AREL1: variants seen among roughly 807,000 people sequenced by gnomAD.
The protein encoded by AREL1 is apoptosis-resistant E3 ubiquitin protein ligase 1.
Under a neutral mutation model 99.0 loss-of-function variants are expected in AREL1, and 62 were observed. The observed-to-expected ratio is 0.63, with a 90% confidence interval of 0.51 to 0.77. AREL1 has a LOEUF of 0.77. AREL1 is among the 30% of genes least tolerant of loss of function. The pLI is 0.00. For synonymous variants in AREL1, 380 were observed against 376.5 expected (o/e 1.01, Z -0.11); for missense variants, 879 against 1,027.6 (o/e 0.86, Z 1.98).
At chr14:74,679,847 T>A (rs1319073127) in intron 5 of AREL1, among the ~76,000 whole-genome samples, 1 of 84,470 alleles carries the variant, frequency 1.2e-5, no homozygotes, top group African/African-American at 5.4e-5. Flanking sequence ...AAAATAATAA[T>A]AAATAAATAA....
chr14:74,685,016 C>A (rs553845131), intron 3 of AREL1, among the ~76,000 whole-genome samples: 2 of 152,222 alleles, frequency 1.3e-5, no homozygotes, highest in East Asian at 3.9e-4. Context: ...GCCTTCGGAA[C>A]CAAAAATATT....
At chr14:74,689,238 T>C (rs1594771315) in intron 2 of AREL1, among the ~76,000 whole-genome samples, 3 of 152,222 alleles carry the variant, frequency 2.0e-5, no homozygotes, top group Admixed American at 6.5e-5. Flanking sequence ...TCCGACCCTG[T>C]TGGGGGCTCT....
chr14:74,691,942 C>G, intron 2 of AREL1, 99 bp downstream of exon 2: 1 of 254,136 alleles, frequency 3.9e-6, no homozygotes, highest in Non-Finnish European at 7.7e-6. Context: ...CAACTGTATA[C>G]TTTAACAGCT....
Position 74,662,432 on chromosome 14 carries a change from G to A in AREL1, c.*1288C>T, listed in dbSNP as rs1421830430. 1 of 396,646 alleles carries A rather than the reference G, an allele frequency of 2.5e-6. No homozygotes were observed. Among genetic ancestry groups the A allele is most frequent in the Non-Finnish European group, 4.4e-6 (1 of 225,082 alleles). The allele number at this position is 396,646 out of a possible 1,614,324, so 24.6% of individuals were successfully genotyped here. A position where few individuals can be genotyped will look rare whatever the true frequency, so the allele number is the denominator to read the frequency against. ...CTTCTTAAAAACACAAATTTGGGAA[G>A]TCAATGAGATTTTGAATCTTGAAAT... On this transcript the variant is annotated 3_prime_UTR_variant, in exon 20 of 20. Coordinates refer to ENST00000356357, the MANE Select transcript of AREL1 (RefSeq NM_001039479.2).
intron 11 of AREL1, among the ~76,000 whole-genome samples, chr14:74,672,206 G>C (rs2139875916): frequency 6.6e-6 from 1 of 152,280 alleles, no homozygotes; most frequent in Middle Eastern, 3.4e-3. Context: ...CCCTACATGG[G>C]AGTTCCAAGG....
intron 1 of AREL1, among the ~76,000 whole-genome samples, chr14:74,697,570 A>G (rs1324840759): frequency 6.6e-6 from 1 of 152,190 alleles, no homozygotes; most frequent in African/African-American, 2.4e-5. Flanking sequence ...TACTCTTGAG[A>G]TATTTATACA....
chr14:74,668,467 GA>G (rs964373079), intron 15 of AREL1, among the ~76,000 whole-genome samples: 2 of 151,606 alleles, frequency 1.3e-5, no homozygotes, highest in African/African-American at 4.9e-5. Flanking sequence ...CACAATCCTG[GA>G]TTTTTTTTTT....
chr14:74,677,817 TA>T (rs78780006), intron 5 of AREL1, among the ~76,000 whole-genome samples: 268 of 136,026 alleles, frequency 2.0e-3, no homozygotes, highest in Middle Eastern at 3.7e-3. Flanking sequence ...GTCTCTTTAT[TA>T]AAAAAAAAAA....
intron 1 of AREL1, among the ~76,000 whole-genome samples, chr14:74,707,450 C>A (rs970482386): frequency 1.3e-5 from 2 of 151,580 alleles, no homozygotes; most frequent in Non-Finnish European, 2.9e-5. Context: ...ATTACGAGGT[C>A]AGGAGATCGA....
intron 4 of AREL1, 115 bp from the exon 5 acceptor site, chr14:74,683,648 G>A (rs1381533471): frequency 2.4e-6 from 2 of 846,130 alleles, no homozygotes; most frequent in African/African-American, 3.4e-5. Context: ...GTAAATCCCA[G>A]TACCTACCCT....
chr14:74,684,594 T>C lies in AREL1; in HGVS notation c.103A>G (p.Asn35Asp). ...LAARVVSFLQ[N>D]EDRERRGDRT... ...TCCCCTCGGCGCTCGCGGTCCTCAT[T>C]CTGGAGGAAGCTGACTACACGTGCG... The change falls in exon 4 of 20, where the codon AAT becomes GAT. Residue 35 changes from asparagine to aspartate, a missense_variant. Coordinates refer to ENST00000356357, the MANE Select transcript of AREL1 (RefSeq NM_001039479.2). The C allele has an allele frequency of 6.2e-7, 1 of 1,614,110 alleles. No individual in the cohort carries two copies. The highest frequency in any genetic ancestry group is 1.7e-5 in the Admixed American group (1 of 60,026).
chr14:74,676,468 G>A, intron 6 of AREL1, 115 bp downstream of exon 6: 1 of 1,426,348 alleles, frequency 7.0e-7, no homozygotes, highest in African/African-American at 1.4e-5. Flanking sequence ...TGAAGATACA[G>A]ACAGCACAGA....
intron 1 of AREL1, among the ~76,000 whole-genome samples, chr14:74,705,757 T>G (rs2090166392): frequency 6.6e-6 from 1 of 152,208 alleles, no homozygotes; most frequent in African/African-American, 2.4e-5. Context: ...TTGGATTCTC[T>G]CTATTGCACC....
chr14:74,669,624 C>A (rs757628246), intron 15 of AREL1, 25 bp downstream of exon 15: 1 of 1,611,502 alleles, frequency 6.2e-7, no homozygotes, highest in East Asian at 2.2e-5. Context: ...AACATAGGAC[C>A]CAGAGGCTTT....
chr14:74,686,315 T>A (rs539604540), intron 2 of AREL1, among the ~76,000 whole-genome samples: 1 of 152,338 alleles, frequency 6.6e-6, no homozygotes, highest in Admixed American at 6.5e-5. Context: ...TCCTCAGTCA[T>A]GCCTGTCAAG....
chr14:74,698,843 G>T, intron 1 of AREL1: 1 of 209,800 alleles, frequency 4.8e-6, no homozygotes, highest in Non-Finnish European at 1.0e-5. Flanking sequence ...GGGTAACATA[G>T]TGAGATCCCA....
intron 19 of AREL1, 21 bp from the exon 20 acceptor site, chr14:74,663,843 T>G: frequency 6.2e-7 from 1 of 1,614,140 alleles, no homozygotes; most frequent in Non-Finnish European, 8.5e-7. Context: ...AAGGGAGAAG[T>G]GATTAACTCA....
chr14:74,697,016 T>C (rs1318375216), intron 1 of AREL1, among the ~76,000 whole-genome samples: 1 of 152,116 alleles, frequency 6.6e-6, no homozygotes, highest in East Asian at 1.9e-4. Context: ...CGTGGTAGCA[T>C]GCCCCTGTTG....
At chr14:74,685,485 C>T (rs745720205) in intron 3 of AREL1, 115 bp downstream of exon 3, 52 of 1,251,936 alleles carry the variant, frequency 4.2e-5, no homozygotes, top group South Asian at 1.0e-4. Flanking sequence ...CATTCTGGCA[C>T]GACTAGAAAT....
Sources: gnomAD v4.1 joint callset for allele counts (sites outside exome capture counted in the v4.1 genomes callset) on GRCh38, gnomAD v4.1.1 for gene constraint, MANE v1.5 for transcripts, NCBI Gene and HGNC (gene_info 2026-07-23, HGNC 2026-07-21) for gene names.